Variants in IQCM observed in about 807,000 individuals in gnomAD.
IQCM encodes IQ domain-containing protein M.
Under a neutral mutation model 57.6 loss-of-function variants are expected in IQCM, and 45 were observed. The ratio of observed to expected loss-of-function variants is 0.78; its 90% CI spans 0.62 to 1.00. The LOEUF (loss-of-function observed/expected upper bound fraction) is 1.00, where lower values mean the gene tolerates loss of function less well. Among genes scored for constraint, IQCM ranks in the 50% least tolerant of loss-of-function variants. The pLI is 0.00. For missense variants in IQCM, 468 were observed against 511.6 expected, an observed-to-expected ratio of 0.91 and a Z score of 0.82; for synonymous variants, 148 against 158.9, an observed-to-expected ratio of 0.93 and a Z score of 0.51.
At chr4:149,610,478 T>A (rs573163165) in intron 8 of IQCM, among the ~76,000 whole-genome samples, 3 of 152,160 alleles carry the variant, frequency 2.0e-5, no homozygotes, top group Middle Eastern at 3.4e-3. Flanking sequence ...CAAATTATAC[T>A]ATAAAGCTAT....
At chr4:149,467,342 C>T (rs1028424165) in intron 12 of IQCM, among the ~76,000 whole-genome samples, 2 of 152,036 alleles carry the variant, frequency 1.3e-5, no homozygotes, top group Admixed American at 6.5e-5. Flanking sequence ...TAATGAGAAT[C>T]CTTAATTCAT....
At chr4:149,618,657 A>AT (rs1397712759) in intron 8 of IQCM, among the ~76,000 whole-genome samples, 1 of 152,190 alleles carries the variant, frequency 6.6e-6, no homozygotes, top group African/African-American at 2.4e-5. Flanking sequence ...AAAAAATCCC[A>AT]TTAAAAAGTG....
intron 13 of IQCM, among the ~76,000 whole-genome samples, chr4:149,425,289 A>G (rs1734388671): frequency 6.6e-6 from 1 of 152,012 alleles, no homozygotes; most frequent in African/African-American, 2.4e-5. Context: ...ATATACATAA[A>G]GAAATTGATT....
chr4:149,634,405 C>T (rs1430722479), intron 7 of IQCM, among the ~76,000 whole-genome samples: 3 of 152,200 alleles, frequency 2.0e-5, no homozygotes, highest in Non-Finnish European at 2.9e-5. Context: ...ATCCCATTGC[C>T]TTGTATTGTA....
intron 7 of IQCM, among the ~76,000 whole-genome samples, chr4:149,662,780 A>T (rs898306632): frequency 5.9e-5 from 9 of 151,648 alleles, no homozygotes; most frequent in African/African-American, 2.2e-4. Flanking sequence ...CTTCACTTTC[A>T]GTCTATGTTT....
chr4:149,620,138 CA>C (rs1561068585), intron 8 of IQCM, among the ~76,000 whole-genome samples: 1 of 151,064 alleles, frequency 6.6e-6, no homozygotes, highest in Non-Finnish European at 1.5e-5. Context: ...GCCTGAGCAA[CA>C]GAGAGAGACT....
intron 12 of IQCM, among the ~76,000 whole-genome samples, chr4:149,454,492 A>C (rs1432554407): frequency 6.6e-6 from 1 of 151,862 alleles, no homozygotes; most frequent in Non-Finnish European, 1.5e-5. Flanking sequence ...GAGGGTGAGG[A>C]TCAAAAAAAT....
At chr4:149,785,461 ATAAC>A (rs1293182653) in intron 2 of IQCM, among the ~76,000 whole-genome samples, 1 of 152,208 alleles carries the variant, frequency 6.6e-6, no homozygotes, top group African/African-American at 2.4e-5. Flanking sequence ...ATTTATTTAA[ATAAC>A]TATAGTAATT....
intron 4 of IQCM, among the ~76,000 whole-genome samples, 194 bp downstream of exon 4, chr4:149,735,181 CA>C (rs1405522851): frequency 6.6e-6 from 1 of 152,080 alleles, no homozygotes; most frequent in Non-Finnish European, 1.5e-5. Flanking sequence ...AAAATTCATA[CA>C]ACTAAAAAAT....
chr4:149,356,066 C>A (rs1164053237), intron 13 of IQCM, among the ~76,000 whole-genome samples: 3 of 152,094 alleles, frequency 2.0e-5, no homozygotes, highest in Non-Finnish European at 4.4e-5. Context: ...CTGTTCATAT[C>A]CTTTGCCCAC....
intron 9 of IQCM, among the ~76,000 whole-genome samples, chr4:149,564,222 G>A (rs1021428156): frequency 2.0e-5 from 3 of 152,142 alleles, no homozygotes; most frequent in South Asian, 2.1e-4. Context: ...TGTCCCAGAA[G>A]CTATTTTAAA....
At chr4:149,707,541 C>G (rs911295158) in intron 5 of IQCM, among the ~76,000 whole-genome samples, 18 of 152,060 alleles carry the variant, frequency 1.2e-4, no homozygotes, top group African/African-American at 4.1e-4. Flanking sequence ...AGTAACATCT[C>G]TCCCTGGGAC....
intron 5 of IQCM, 75 bp downstream of exon 5, chr4:149,733,169 C>T (rs1766619598): frequency 2.6e-6 from 3 of 1,167,746 alleles, no homozygotes; most frequent in African/African-American, 1.6e-5. Flanking sequence ...AAAGAAAATT[C>T]CATTACAGGC....
At chr4:149,354,382 A>AAAAAAAAAAAAAAAC (rs764445072) in intron 13 of IQCM, among the ~76,000 whole-genome samples, 2 of 136,484 alleles carry the variant, frequency 1.5e-5, no homozygotes, top group Non-Finnish European at 3.2e-5. Context: ...AAAAAAAAAA[A>AAAAAAAAAAAAAAAC]AAAAAAACTG....
intron 13 of IQCM, among the ~76,000 whole-genome samples, chr4:149,400,934 T>C (rs566090495): frequency 6.6e-6 from 1 of 152,008 alleles, no homozygotes; most frequent in South Asian, 2.1e-4. Flanking sequence ...CCCTGTCATA[T>C]GCTATTGCTG....
At chr4:149,745,761 C>T (rs1767864822) in intron 2 of IQCM, among the ~76,000 whole-genome samples, 1 of 152,118 alleles carries the variant, frequency 6.6e-6, no homozygotes, top group Non-Finnish European at 1.5e-5. Context: ...TGCTTGAGCC[C>T]AGGTGTTCAA....
intron 12 of IQCM, among the ~76,000 whole-genome samples, chr4:149,547,979 T>C (rs1246740031): frequency 6.6e-6 from 1 of 152,200 alleles, no homozygotes; most frequent in Non-Finnish European, 1.5e-5. Flanking sequence ...ATATTTTTCA[T>C]GTATTATTCA....
intron 9 of IQCM, among the ~76,000 whole-genome samples, chr4:149,572,171 G>A (rs1271780281): frequency 6.6e-6 from 1 of 152,028 alleles, no homozygotes; most frequent in Non-Finnish European, 1.5e-5. Flanking sequence ...TAGTAATAAT[G>A]TGCAGACAAG....
chr4:149,512,936 G>A (rs985215830), intron 12 of IQCM, among the ~76,000 whole-genome samples: 1 of 151,920 alleles, frequency 6.6e-6, no homozygotes, highest in African/African-American at 2.4e-5. Flanking sequence ...CTTATATTTG[G>A]GTCCATAAAA....
Sources: allele counts gnomAD v4.1 joint callset (sites outside exome capture counted in the v4.1 genomes callset), GRCh38; gene constraint gnomAD v4.1.1; transcripts MANE v1.5; gene names NCBI Gene and HGNC (gene_info 2026-07-23, HGNC 2026-07-21).